Variants in F5 observed in about 807,000 individuals in gnomAD.
F5 encodes activated protein c cofactor.
F5 carries 138 observed loss-of-function variants against 216.4 expected under a neutral mutation model. That is an observed-to-expected ratio of 0.64 (90% CI 0.56 to 0.73). The LOEUF (loss-of-function observed/expected upper bound fraction) is 0.73, where lower values mean the gene tolerates loss of function less well. F5 is among the 30% of genes least tolerant of loss of function. The probability of loss-of-function intolerance (pLI) is 0.00; values close to 1 mark genes in which losing one functional copy is unlikely to be tolerated. For synonymous variants in F5, 916 were observed against 930.7 expected (o/e 0.98, Z 0.29); for missense variants, 2,403 against 2,674.0 (o/e 0.90, Z 2.24).
intron 5 of F5, among the ~76,000 whole-genome samples, chr1:169,557,594 CTT>C (rs1182476474): frequency 2.0e-5 from 3 of 152,070 alleles, no homozygotes; most frequent in Admixed American, 2.0e-4. Context: ...TTTGCTCCTT[CTT>C]TGCTCCTACA....
chr1:169,568,252 T>C (rs1047938909), intron 3 of F5, among the ~76,000 whole-genome samples: 4 of 152,108 alleles, frequency 2.6e-5, no homozygotes, highest in African/African-American at 9.7e-5. Flanking sequence ...CTACTAAAAG[T>C]TGAATTATGA....
At chr1:169,554,430 T>C (rs897587611) in intron 7 of F5, among the ~76,000 whole-genome samples, 2 of 152,250 alleles carry the variant, frequency 1.3e-5, no homozygotes, top group Admixed American at 6.5e-5. Flanking sequence ...GAATGTATCC[T>C]AATTTATTAA....
Position 169,556,716 on chromosome 1 carries a change from A to T in F5, c.882T>A (p.Thr294=). Residue 294 remains threonine, a synonymous_variant, in exon 6 of 25, where the codon ACT becomes ACA. Coordinates refer to ENST00000367797, the MANE Select transcript of F5 (RefSeq NM_000130.5). ...SAITLVSATS[T]TANMTVGPEG... ...CTGGGCCCACAGTCATATTTGCGGT[A>T]GTGGATGTAGCACTGACAAGGGTGA... 6.2e-7 allele frequency: 1 copy of T among 1,614,100 alleles called. No individual in the cohort carries two copies. Among genetic ancestry groups the T allele is most frequent in the Non-Finnish European group, 8.5e-7 (1 of 1,179,996 alleles).
rs1246490957 is a variant in F5 at position 169,560,773 on chromosome 1, G to A, written c.374-7C>T. On this transcript the variant is annotated splice_polypyrimidine_tract_variant and splice_region_variant and intron_variant, in intron 3 of 24. Transcript: ENST00000367797. ...TGGTCAAGGTAAGAAGCACCTGGAG[G>A]AGTAACAGCCATCAAGACATGTGGG... 1 of 1,611,384 alleles carries A rather than the reference G, an allele frequency of 6.2e-7. No homozygotes were observed. Among genetic ancestry groups the A allele is most frequent in the Non-Finnish European group, 8.5e-7 (1 of 1,179,444 alleles).
rs865812546 is a variant in F5, at chr1:169,512,401, G to A, written c.*1912C>T. On this transcript the variant is annotated 3_prime_UTR_variant, in exon 25 of 25. Coordinates refer to ENST00000367797, the MANE Select transcript of F5 (RefSeq NM_000130.5). ...AGAGATCCTGCCCAATTTCAGAGTA[G>A]AGAAGCCCAGGACTAGCTGCGTAAT... Among the ~76,000 whole-genome samples the A allele has an allele frequency of 5.6e-4, 85 of 152,026 alleles. No homozygotes were observed. Among genetic ancestry groups the A allele is most frequent in the African/African-American group, 1.9e-3 (79 of 41,422 alleles).
chr1:169,516,058 A>G (rs1659148200), intron 23 of F5, among the ~76,000 whole-genome samples: 1 of 152,156 alleles, frequency 6.6e-6, no homozygotes, highest in African/African-American at 2.4e-5. Context: ...ATACTCTGGT[A>G]ATATTGCTGC....
chr1:169,552,654 T>A lies in F5; in HGVS notation c.1199A>T (p.Glu400Val), dbSNP rs781403269. Residue 400 changes from glutamate to valine, a missense_variant, in exon 8 of 25, where the codon GAA (glutamate) becomes GTA (valine). Around this residue, in one of 4 missense-constraint regions of F5, gnomAD observed 1,425 missense variants for 1,554.8 expected, o/e 0.92. Coordinates refer to ENST00000367797, the MANE Select transcript of F5 (RefSeq NM_000130.5). The part of the protein sequence containing the change: ...HYKKVMYTQY[E>V]DESFTKHTVN... ...TGTATGTTTGGTGAAGGACTCATCT[T>A]CGTACTGTGTGTACATAACTTTCTT... The A allele has an allele frequency of 3.1e-6, 5 of 1,613,160 alleles. No homozygotes were observed. The highest frequency in any genetic ancestry group is 4.2e-6 in the Non-Finnish European group (5 of 1,179,312).
rs761713318 is a variant in F5 at position 169,540,967 on chromosome 1, G to A, written c.4123C>T (p.Leu1375Phe). ...TTTGTCTGACTGAGTTCTGGAGAGA[G>A]GTTTGTCTGGCTGAGGTCTAGAGAA... is the stretch of plus-strand genomic sequence containing the variant. Reference protein sequence around the residue: ...TLSLDLSQTNLSPELSQTNLS... With the variant: ...TLSLDLSQTNFSPELSQTNLS... Residue 1375 changes from leucine to phenylalanine, a missense_variant, in exon 13 of 25, where the codon CTC becomes TTC. By Grantham distance (22) the Leu-to-Phe change is conservative (BLOSUM62 0). Transcript: ENST00000367797. 1.1e-5 allele frequency: 18 copies of A among 1,595,718 alleles called. No homozygotes were observed. The highest frequency in any genetic ancestry group is 1.7e-5 in the Admixed American group (1 of 59,030).
rs143597977 is a variant in F5 at position 169,520,171 on chromosome 1, G to T, written c.6193+349C>A. Among the ~76,000 whole-genome samples, 81 of 152,330 alleles carry T rather than the reference G, an allele frequency of 5.3e-4. No homozygotes were observed. The East Asian group carries it at 0.013, about 24-fold the overall frequency. On this transcript the variant is annotated intron_variant, in intron 22 of 24. Transcript: ENST00000367797. The stretch of plus-strand genomic sequence containing the variant: ...ACTGTCATGACATTGAAGTTTGAGT[G>T]ACCTGAGGACTTTGGAAGAGTCAGG...
At chr1:169,549,462 A>AT (rs946473613) in intron 10 of F5, among the ~76,000 whole-genome samples, 3 of 152,168 alleles carry the variant, frequency 2.0e-5, no homozygotes, top group Non-Finnish European at 4.4e-5. Context: ...GACCTGTAAC[A>AT]TTTTTAGGAG....
intron 24 of F5, 134 bp from the exon 25 acceptor site, chr1:169,514,593 G>A: frequency 1.4e-6 from 1 of 720,972 alleles, no homozygotes; most frequent in Admixed American, 2.4e-5. Flanking sequence ...GCTCACTGCA[G>A]CCTTAAACTC....
chr1:169,553,475 G>A (rs1168393084), intron 7 of F5, among the ~76,000 whole-genome samples: 1 of 152,228 alleles, frequency 6.6e-6, no homozygotes, highest in Non-Finnish European at 1.5e-5. Flanking sequence ...TTGGGAGGCC[G>A]AGGCGGGCAA....
intron 16 of F5, among the ~76,000 whole-genome samples, 171 bp downstream of exon 16, chr1:169,529,437 T>A (rs1160038568): frequency 6.6e-6 from 1 of 152,222 alleles, no homozygotes; most frequent in Non-Finnish European, 1.5e-5. Flanking sequence ...ACCCACAGTG[T>A]CACCTGCCAG....
intron 3 of F5, among the ~76,000 whole-genome samples, chr1:169,564,069 T>A (rs1313874056): frequency 6.6e-6 from 1 of 152,138 alleles, no homozygotes; most frequent in South Asian, 2.1e-4. Context: ...GTAGTCTAAT[T>A]TTATCCACCC....
At chr1:169,524,423 A>C (rs540859384) in intron 19 of F5, among the ~76,000 whole-genome samples, 9 of 152,316 alleles carry the variant, frequency 5.9e-5, no homozygotes, top group Admixed American at 1.3e-4. Context: ...GAAATACTAC[A>C]TGTGTGGTCA....
In F5 at chr1:169,514,299, T is replaced by C. The variant is rs746972868; in HGVS notation, c.*14A>G. ...CTTAAAGAGTCTCTTCCAGGGGTTT[T>C]TGAATGTTCAATTCTAGTAAATATC... On this transcript the variant is annotated 3_prime_UTR_variant, in exon 25 of 25. Coordinates refer to ENST00000367797, the MANE Select transcript of F5 (RefSeq NM_000130.5). 6.2e-7 allele frequency: 1 copy of C among 1,612,962 alleles called. No individual in the cohort carries two copies. The highest frequency in any genetic ancestry group is 1.7e-5 in the Admixed American group (1 of 59,890).
At chr1:169,574,555 A>G (rs1200826564) in intron 2 of F5, among the ~76,000 whole-genome samples, 2 of 152,238 alleles carry the variant, frequency 1.3e-5, no homozygotes, top group African/African-American at 4.8e-5. Context: ...CATGGAGTTC[A>G]GCCAGCATTT....
chr1:169,520,539 C>G lies in F5; in HGVS notation c.6174G>C (p.Leu2058=), dbSNP rs1347370448. The G allele has an allele frequency of 6.2e-7, 1 of 1,613,980 alleles. No homozygotes were observed. Among genetic ancestry groups the G allele is most frequent in the South Asian group, 1.1e-5 (1 of 91,078 alleles). The stretch of plus-strand genomic sequence containing the variant: ...CCTTACCATTTACCTCACAACCTTG[C>G]AGTTCCAATCGAAGGGTAGGTCTGT... ...AYNRPTLRLE[L]QGCEVNGCST... The change falls in exon 22 of 25, where the codon CTG becomes CTC. Residue 2058 remains leucine (L), a synonymous_variant. Transcript: ENST00000367797.
intron 18 of F5, among the ~76,000 whole-genome samples, 162 bp from the exon 19 acceptor site, chr1:169,525,070 G>A (rs1051036248): frequency 2.0e-5 from 3 of 152,122 alleles, no homozygotes; most frequent in African/African-American, 4.8e-5. Flanking sequence ...AATGGTAAAT[G>A]CACTAACAAG....
Sources: allele counts gnomAD v4.1 joint callset (sites outside exome capture counted in the v4.1 genomes callset), GRCh38; gene constraint gnomAD v4.1.1; regional missense constraint gnomAD v4.1.1; transcripts MANE v1.5; gene names NCBI Gene and HGNC (gene_info 2026-07-23, HGNC 2026-07-21).